Variants in KIF6 observed in about 807,000 individuals in gnomAD.
KIF6 encodes kinesin family member 6.
Under a neutral mutation model 112.7 loss-of-function variants are expected in KIF6, and 106 were observed. The observed-to-expected ratio is 0.94, with a 90% CI of 0.80 to 1.11. The LOEUF (loss-of-function observed/expected upper bound fraction) is 1.11. Among genes scored for constraint, KIF6 ranks in the 50% least tolerant of loss-of-function variants. The pLI, the probability that KIF6 is intolerant of heterozygous loss-of-function variation, is 0.00. For missense variants in KIF6, 929 were observed against 964.0 expected (o/e 0.96, Z 0.48); for synonymous variants, 339 against 339.9 (o/e 1.00, Z 0.03).
At chr6:39,487,134 A>G (rs1301290774) in intron 13 of KIF6, among the ~76,000 whole-genome samples, 1 of 152,252 alleles carries the variant, frequency 6.6e-6, no homozygotes, top group East Asian at 1.9e-4. Flanking sequence ...ATAGTAATAA[A>G]TAAAAATAGA....
intron 5 of KIF6, among the ~76,000 whole-genome samples, chr6:39,622,032 C>T (rs1783849368): frequency 6.6e-6 from 1 of 151,676 alleles, no homozygotes; most frequent in African/African-American, 2.4e-5. Context: ...ACGGGTGGGG[C>T]GGCGGGCACC....
chr6:39,680,644 A>C (rs1165403058), intron 3 of KIF6, among the ~76,000 whole-genome samples: 1 of 152,216 alleles, frequency 6.6e-6, no homozygotes, highest in Non-Finnish European at 1.5e-5. Flanking sequence ...ACAGGCAGTG[A>C]AACAAATACC....
chr6:39,462,755 AG>A (rs1454319885), intron 13 of KIF6, among the ~76,000 whole-genome samples: 1 of 152,170 alleles, frequency 6.6e-6, no homozygotes, highest in East Asian at 1.9e-4. Context: ...TTTCCATAGT[AG>A]TTTGTATATA....
At chr6:39,676,769 T>C (rs1787164231) in intron 3 of KIF6, among the ~76,000 whole-genome samples, 1 of 151,524 alleles carries the variant, frequency 6.6e-6, no homozygotes, top group Non-Finnish European at 1.5e-5. Flanking sequence ...AATTTTCAAA[T>C]AATTAGCAGA....
intron 13 of KIF6, among the ~76,000 whole-genome samples, chr6:39,525,729 T>C (rs1039463053): frequency 6.6e-6 from 1 of 152,038 alleles, no homozygotes; most frequent in Non-Finnish European, 1.5e-5. Context: ...GAGGCGTAAG[T>C]TGCAGTGAGC....
At chr6:39,346,409 G>T in intron 20 of KIF6, 67 bp downstream of exon 20, 1 of 716,124 alleles carries the variant, frequency 1.4e-6, no homozygotes, top group South Asian at 1.5e-5. Context: ...GAGCTCCCTT[G>T]CCCCTTCCAC....
At chr6:39,537,723 G>A (rs1402825466) in intron 13 of KIF6, among the ~76,000 whole-genome samples, 2 of 152,096 alleles carry the variant, frequency 1.3e-5, no homozygotes, top group African/African-American at 4.8e-5. Context: ...CTACTTTAAA[G>A]TTCATACGGA....
At chr6:39,430,616 C>T (rs180837729) in intron 14 of KIF6, among the ~76,000 whole-genome samples, 112 of 152,304 alleles carry the variant, frequency 7.4e-4, no homozygotes, top group Non-Finnish European at 1.2e-3. Context: ...ACACCAAAGG[C>T]TTCTGGGTCA....
At chr6:39,675,307 GA>G (rs1419456227) in intron 3 of KIF6, among the ~76,000 whole-genome samples, 6 of 152,110 alleles carry the variant, frequency 3.9e-5, no homozygotes, top group Non-Finnish European at 8.8e-5. Flanking sequence ...GAATGTCAAA[GA>G]AACTTGCCTT....
intron 13 of KIF6, among the ~76,000 whole-genome samples, chr6:39,517,633 C>T (rs772449562): frequency 1.1e-4 from 17 of 152,082 alleles, no homozygotes; most frequent in African/African-American, 2.2e-4. Context: ...TATTTGCTAA[C>T]GGCAGGAATT....
chr6:39,343,229 T>C lies in KIF6; in HGVS notation c.2428+480A>G. On this transcript the variant is annotated intron_variant, in intron 22 of 22. Transcript: ENST00000287152. The surrounding 1 kb of genome is among the most constrained non-coding windows in gnomAD (Gnocchi z 4.1). Reference sequence around the variant, plus strand: ...TGACACGCCACTCTTACTTCCTCTGTGATTGTTATGGTGTCCTCGGGCCTG... The same window carrying C: ...TGACACGCCACTCTTACTTCCTCTGCGATTGTTATGGTGTCCTCGGGCCTG... The C allele has an allele frequency of 2.4e-6, 3 of 1,239,472 alleles. No homozygotes were observed. The highest frequency in any genetic ancestry group is 3.1e-6 in the Non-Finnish European group (3 of 967,338). The allele number at this position is 1,239,472 out of a possible 1,614,324, so 76.8% of individuals were successfully genotyped here.
At chr6:39,430,113 A>G (rs926324423) in intron 14 of KIF6, among the ~76,000 whole-genome samples, 10 of 151,748 alleles carry the variant, frequency 6.6e-5, no homozygotes, top group African/African-American at 2.4e-4. Context: ...TCTCCTCTTG[A>G]CTTGGCTATC....
At chr6:39,421,511 G>C (rs192691073) in intron 14 of KIF6, among the ~76,000 whole-genome samples, 2 of 152,342 alleles carry the variant, frequency 1.3e-5, no homozygotes, top group Admixed American at 6.5e-5. Context: ...GAAGTGAGCA[G>C]AGGAGGGCAT....
In KIF6 at chr6:39,526,120, T is replaced by C. The variant is rs567570920; in HGVS notation, c.1645+13883A>G. Among the ~76,000 whole-genome samples the C allele has an allele frequency of 2.6e-5, 4 of 152,220 alleles. No individual in the cohort carries two copies. The East Asian group carries it at 7.7e-4, about 29-fold the overall frequency. On this transcript the variant is annotated intron_variant, in intron 13 of 22. Transcript: ENST00000287152. ...CTTGGCAGACCTCCCTTCTAGTCAT[T>C]TCCCTGCTGTCACTGGCTACTTGGA...
intron 3 of KIF6, among the ~76,000 whole-genome samples, chr6:39,714,105 G>C (rs1434312966): frequency 6.6e-6 from 1 of 152,168 alleles, no homozygotes; most frequent in Non-Finnish European, 1.5e-5. Context: ...GTCCCTAGGA[G>C]ACTGTGAATT....
At position 39,390,149 on chromosome 6, in the gene KIF6, A is replaced by G. The variant is rs79098474; in HGVS notation, c.1811-4477T>C. The stretch of plus-strand genomic sequence containing the variant: ...GGGCTAACCAACGTCTCTAACCTCA[A>G]TGTTATCATTTGAAAAATGGAAAAA... On this transcript the variant is annotated intron_variant, in intron 15 of 22. Coordinates refer to ENST00000287152, the MANE Select transcript of KIF6 (RefSeq NM_145027.6). Among the ~76,000 whole-genome samples, 880 of 152,310 alleles carry G rather than the reference A, an allele frequency of 5.8e-3. 11 individuals carry two copies. The highest frequency in any genetic ancestry group is 0.02 in the African/African-American group (820 of 41,566).
rs527321982 is a variant in KIF6 at position 39,655,526 on chromosome 6, CATG to C, written c.252-15772_252-15770del. On this transcript the variant is annotated intron_variant, in intron 3 of 22. Transcript: ENST00000287152. ...CTTCACAGGGCCTTCAGTTCTCCAA[CATG>C]ATAAATGTGTTTTCTGCATTTCCCT... Among the ~76,000 whole-genome samples, 664 of 152,158 alleles carry C rather than the reference CATG, an allele frequency of 4.4e-3. 6 individuals are homozygous for C. Among genetic ancestry groups the C allele is most frequent in the African/African-American group, 0.016 (645 of 41,548 alleles).
Position 39,540,174 on chromosome 6 carries a change from C to T in KIF6, c.1474G>A (p.Ala492Thr). ...CTATCCATGCCAGCCAAGTGGAGAG[C>T]CTCCTGAGCTTTCTTCTTTTCTTTT... is the stretch of plus-strand genomic sequence containing the variant. Reference protein sequence around the residue: ...LKKEKKKAQEALHLAGMDRRE... With the variant: ...LKKEKKKAQETLHLAGMDRRE... The change falls in exon 13 of 23, where the codon GCT becomes ACT. Residue 492 changes from alanine (A) to threonine (T), a missense_variant. Ala to Thr is a moderately conservative substitution (Grantham distance 58). Around this residue, in one of 2 missense-constraint regions of KIF6, gnomAD observed 688 missense variants for 662.7 expected, o/e 1.04. Transcript: ENST00000287152. 1 of 1,613,528 alleles carries T rather than the reference C, an allele frequency of 6.2e-7. No homozygotes were observed. Among genetic ancestry groups the T allele is most frequent in the Non-Finnish European group, 8.5e-7 (1 of 1,179,924 alleles).
At chr6:39,525,401 G>T (rs1191507925) in intron 13 of KIF6, among the ~76,000 whole-genome samples, 1 of 152,168 alleles carries the variant, frequency 6.6e-6, no homozygotes, top group African/African-American at 2.4e-5. Context: ...CCTATTTGAA[G>T]AATTCATTTT....
Sources: allele counts gnomAD v4.1 joint callset (sites outside exome capture counted in the v4.1 genomes callset), GRCh38; gene constraint gnomAD v4.1.1; regional missense constraint gnomAD v4.1.1; non-coding constraint Gnocchi (gnomAD v3.1); transcripts MANE v1.5; gene names NCBI Gene and HGNC (gene_info 2026-07-23, HGNC 2026-07-21).